CCDC127: variants seen among roughly 807,000 people sequenced by gnomAD.
The protein encoded by CCDC127 is coiled-coil domain-containing protein 127.
CCDC127 carries 2 observed loss-of-function variants against 4.1 expected under a neutral mutation model. The observed-to-expected ratio is 0.49, with a 90% CI of 0.20 to 1.53. The LOEUF is 1.53. Among genes scored for constraint, CCDC127 ranks in the 40% most tolerant of loss-of-function variants. The pLI, the probability that CCDC127 is intolerant of heterozygous loss-of-function variation, is 0.23. For synonymous variants in CCDC127, 98 were observed against 120.4 expected, an observed-to-expected ratio of 0.81 and a Z score of 1.22; for missense variants, 271 against 322.9, an observed-to-expected ratio of 0.84 and a Z score of 1.23.
chr5:206,299 T>C (rs1734171541), intron 2 of CCDC127, among the ~76,000 whole-genome samples: 1 of 150,648 alleles, frequency 6.6e-6, no homozygotes, highest in Non-Finnish European at 1.5e-5. Flanking sequence ...GGCCAGGTTC[T>C]TATAAAAGTT....
intron 2 of CCDC127, among the ~76,000 whole-genome samples, chr5:206,188 TCTAA>T (rs1479808137): frequency 4.5e-5 from 4 of 89,102 alleles, no homozygotes; most frequent in Admixed American, 2.2e-4. Context: ...CTTTCCGTCT[TCTAA>T]CTGTTTGTTG....
intron 2 of CCDC127, among the ~76,000 whole-genome samples, chr5:208,730 G>A (rs1427048345): frequency 1.3e-5 from 2 of 152,258 alleles, no homozygotes; most frequent in African/African-American, 4.8e-5. Context: ...TCACCTGGCA[G>A]TAAGGAGGCT....
At chr5:206,034 G>T in intron 2 of CCDC127, 76 bp from the exon 3 acceptor site, 1 of 1,311,994 alleles carries the variant, frequency 7.6e-7, no homozygotes, top group Non-Finnish European at 1.1e-6. Flanking sequence ...TAAATCATAA[G>T]GCAGCTAAGG....
chr5:205,258 G>A lies in CCDC127; in HGVS notation c.*39C>T, dbSNP rs748789891. On this transcript the variant is annotated 3_prime_UTR_variant, in exon 3 of 3. Coordinates refer to ENST00000296824, the MANE Select transcript of CCDC127 (RefSeq NM_145265.3). Reference sequence around the variant, plus strand: ...GACCCAGAAGGCGCATGACTGCCTGGCCTCGAGTCACTAAAAGCAGTTTGA... The same window carrying A: ...GACCCAGAAGGCGCATGACTGCCTGACCTCGAGTCACTAAAAGCAGTTTGA... 5 of 1,559,370 alleles carry A rather than the reference G, an allele frequency of 3.2e-6. No individual in the cohort carries two copies. In the African/African-American group the frequency reaches 6.8e-5, roughly 21 times the overall value.
chr5:199,700 C>A lies in CCDC127; in HGVS notation c.*5597G>T, dbSNP rs1734037017. The A allele has an allele frequency of 6.6e-6, 1 of 152,504 alleles. No homozygotes were observed. The highest frequency in any genetic ancestry group is 2.4e-5 in the African/African-American group (1 of 41,450). The allele number at this position is 152,504 out of a possible 1,614,324, so 9.4% of individuals were successfully genotyped here. A position where few individuals can be genotyped will look rare whatever the true frequency, so the allele number is the denominator to read the frequency against. On this transcript the variant is annotated 3_prime_UTR_variant, in exon 3 of 3. Coordinates refer to ENST00000296824, the MANE Select transcript of CCDC127 (RefSeq NM_145265.3). ...CCAGCACCCCTACCTCCCGAGGAGGCCCCAGCACCCCACTCCCTGCCTGTC... is the reference window on the plus strand; with the variant it reads ...CCAGCACCCCTACCTCCCGAGGAGGACCCAGCACCCCACTCCCTGCCTGTC...
At chr5:217,712 G>A (rs1398805888) in intron 1 of CCDC127, among the ~76,000 whole-genome samples, 2 of 151,742 alleles carry the variant, frequency 1.3e-5, no homozygotes, top group Admixed American at 1.3e-4. Context: ...AGAGATTACA[G>A]AGTTCTCTGC....
intron 2 of CCDC127, among the ~76,000 whole-genome samples, chr5:208,259 C>T (rs1734216616): frequency 6.6e-6 from 1 of 152,122 alleles, no homozygotes; most frequent in Non-Finnish European, 1.5e-5. Context: ...TGGCTTGGGT[C>T]CTTGGGACCC....
chr5:217,921 T>C (rs3756715), intron 1 of CCDC127, among the ~76,000 whole-genome samples, 172 bp downstream of exon 1: 36,725 of 151,996 alleles, frequency 0.24, 6,918 homozygotes, highest in African/African-American at 0.53. Flanking sequence ...AAACAAGAGG[T>C]CGGAGGCCCC....
rs1460694625 is a variant in CCDC127 at position 197,809 on chromosome 5, A to AGT, written c.*7486_*7487dup. Reference sequence around the variant, plus strand: ...GCTGCCCCGTATCACCCCCTCCCGGAGTGTGTCCCCACCCCAGTGGTCCCT... The same window carrying AGT: ...GCTGCCCCGTATCACCCCCTCCCGGAGTGTGTGTCCCCACCCCAGTGGTCCCT... On this transcript the variant is annotated 3_prime_UTR_variant, in exon 3 of 3. Transcript: ENST00000296824. 4.8e-5 allele frequency: 7 copies of AGT among 146,904 alleles called. No individual in the cohort carries two copies. The highest frequency in any genetic ancestry group is 3.4e-4 in the Admixed American group (5 of 14,734). The allele number at this position is 146,904 out of a possible 1,614,324, so 9.1% of individuals were successfully genotyped here. A position where few individuals can be genotyped will look rare whatever the true frequency, so the allele number is the denominator to read the frequency against.
At chr5:212,326 C>G (rs372073792) in intron 2 of CCDC127, among the ~76,000 whole-genome samples, 893 of 23,366 alleles carry the variant, frequency 0.038, 9 homozygotes, top group Non-Finnish European at 0.049. Context: ...ACACCCATCA[C>G]GATGGGGCAG....
rs1468555301 is a variant in CCDC127, at chr5:205,356, C to G, written c.724G>C (p.Glu242Gln). ...RLMWLYLKYW[E>Q]LVVELKKFKR... is the part of the protein sequence containing the mutation. ...AACTTCTTCAGTTCGACAACGAGTT[C>G]CCAGTATTTGAGATAGAGCCACATG... Residue 242 changes from glutamate (E) to glutamine (Q), a missense_variant, in exon 3 of 3, where the codon GAA becomes CAA. Physicochemically the swap from Glu to Gln is conservative, Grantham distance 29 (BLOSUM62 2). Coordinates refer to ENST00000296824, the MANE Select transcript of CCDC127 (RefSeq NM_145265.3). 3 of 1,614,054 alleles carry G rather than the reference C, an allele frequency of 1.9e-6. No homozygotes were observed. Among genetic ancestry groups the G allele is most frequent in the Non-Finnish European group, 2.5e-6 (3 of 1,179,966 alleles).
Position 218,140 on chromosome 5 carries a change from C to A in CCDC127, c.-58G>T. 1 of 1,237,670 alleles carries A rather than the reference C, an allele frequency of 8.1e-7. No individual in the cohort carries two copies. Among genetic ancestry groups the A allele is most frequent in the Non-Finnish European group, 1.0e-6 (1 of 988,940 alleles). 76.7% of individuals were successfully genotyped at this position (1,237,670 alleles called of 1,614,324 possible). A position where few individuals can be genotyped will look rare whatever the true frequency, so the allele number is the denominator to read the frequency against. Reference sequence around the variant, plus strand: ...TCAGCGTTCCCTTAACGCCACCGTCCGCGGGTCCGCTTTGCGCAGGCGCGG... The same window carrying A: ...TCAGCGTTCCCTTAACGCCACCGTCAGCGGGTCCGCTTTGCGCAGGCGCGG... On this transcript the variant is annotated 5_prime_UTR_variant, in exon 1 of 3. Coordinates refer to ENST00000296824, the MANE Select transcript of CCDC127 (RefSeq NM_145265.3).
Position 197,491 on chromosome 5 carries a change from C to G in CCDC127, c.*7806G>C, listed in dbSNP as rs1175502208. On this transcript the variant is annotated 3_prime_UTR_variant, in exon 3 of 3. Transcript: ENST00000296824. Reference sequence around the variant, plus strand: ...TGCGGCTTTCCGCAGTGCATTGTGCCTCTGGTTTATTGAGACTAGAGAATA... The same window carrying G: ...TGCGGCTTTCCGCAGTGCATTGTGCGTCTGGTTTATTGAGACTAGAGAATA... 1 of 152,224 alleles carries G rather than the reference C, an allele frequency of 6.6e-6. No individual in the cohort carries two copies. Among genetic ancestry groups the G allele is most frequent in the Non-Finnish European group, 1.5e-5 (1 of 68,052 alleles). 9.4% of individuals were successfully genotyped at this position (152,224 alleles called of 1,614,324 possible).
intron 2 of CCDC127, among the ~76,000 whole-genome samples, chr5:209,639 G>A (rs1734240254): frequency 8.1e-6 from 1 of 123,438 alleles, no homozygotes; most frequent in Non-Finnish European, 1.7e-5. Flanking sequence ...CACAAACACA[G>A]AAACAACCCT....
rs1734005086 is a variant in CCDC127, at chr5:198,251, G to A, written c.*7046C>T. ...AAGTGCTCTCTGCACACTGCAGGCA[G>A]TGCCTTACTGGAGCCTTGTCCAGGG... On this transcript the variant is annotated 3_prime_UTR_variant, in exon 3 of 3. Coordinates refer to ENST00000296824, the MANE Select transcript of CCDC127 (RefSeq NM_145265.3). 1 of 152,318 alleles carries A rather than the reference G, an allele frequency of 6.6e-6. No individual in the cohort carries two copies. 9.4% of individuals were successfully genotyped at this position (152,318 alleles called of 1,614,324 possible). A position where few individuals can be genotyped will look rare whatever the true frequency, so the allele number is the denominator to read the frequency against.
At position 199,642 on chromosome 5, in the gene CCDC127, G is replaced by A; in HGVS notation, c.*5655C>T. 6.5e-6 allele frequency: 1 copy of A among 152,772 alleles called. No homozygotes were observed. The highest frequency in any genetic ancestry group is 1.5e-5 in the Non-Finnish European group (1 of 68,626). 9.5% of individuals were successfully genotyped at this position (152,772 alleles called of 1,614,324 possible). ...TGGCCCATGGGGAGCAGCCACCTCG[G>A]AGCTATGGCACAGTGCTGTCAAGAG... On this transcript the variant is annotated 3_prime_UTR_variant, in exon 3 of 3. Transcript: ENST00000296824.
In CCDC127 at chr5:197,110, T is replaced by C. The variant is rs953434354; in HGVS notation, c.*8187A>G. On this transcript the variant is annotated 3_prime_UTR_variant, in exon 3 of 3. Coordinates refer to ENST00000296824, the MANE Select transcript of CCDC127 (RefSeq NM_145265.3). ...GCCTGGACGTGCACGTAGGCCAGAT[T>C]TATGTTTCTCTCCACCCAAACATCT... is the stretch of plus-strand genomic sequence containing the variant. 1 of 152,038 alleles carries C rather than the reference T, an allele frequency of 6.6e-6. No individual in the cohort carries two copies. Among genetic ancestry groups the C allele is most frequent in the Admixed American group, 6.5e-5 (1 of 15,278 alleles). The allele number at this position is 152,038 out of a possible 1,614,324, so 9.4% of individuals were successfully genotyped here.
chr5:207,507 A>AGAAGGCT (rs1468035029), intron 2 of CCDC127, among the ~76,000 whole-genome samples: 100 of 152,216 alleles, frequency 6.6e-4, no homozygotes, highest in Non-Finnish European at 1.2e-4. Context: ...AACAAAGTCT[A>AGAAGGCT]GAAGGCTGAA....
Position 199,786 on chromosome 5 carries a change from G to A in CCDC127, c.*5511C>T, listed in dbSNP as rs958469730. Reference sequence around the variant, plus strand: ...GGATGGGCTCGGTCTCAGTGTCCCTGCTGGAATATTAAACAGAGCCACTTG... The same window carrying A: ...GGATGGGCTCGGTCTCAGTGTCCCTACTGGAATATTAAACAGAGCCACTTG... On this transcript the variant is annotated 3_prime_UTR_variant, in exon 3 of 3. Transcript: ENST00000296824. 1.3e-5 allele frequency: 2 copies of A among 152,244 alleles called. No homozygotes were observed. Among genetic ancestry groups the A allele is most frequent in the African/African-American group, 2.4e-5 (1 of 41,430 alleles). The allele number at this position is 152,244 out of a possible 1,614,324, so 9.4% of individuals were successfully genotyped here. A position where few individuals can be genotyped will look rare whatever the true frequency, so the allele number is the denominator to read the frequency against.
Sources: gnomAD v4.1 joint callset for allele counts (sites outside exome capture counted in the v4.1 genomes callset) on GRCh38, gnomAD v4.1.1 for gene constraint, MANE v1.5 for transcripts, NCBI Gene and HGNC (gene_info 2026-07-23, HGNC 2026-07-21) for gene names.